Variants in ZBTB20 observed in about 807,000 individuals in gnomAD.
ZBTB20 encodes zinc finger and BTB domain-containing protein 20.
In ZBTB20, 9 loss-of-function variants were observed where a neutral mutation model predicts 56.9. The observed-to-expected ratio is 0.16, with a 90% CI of 0.10 to 0.28. The LOEUF is 0.28. Among genes scored for constraint, ZBTB20 ranks in the 10% least tolerant of loss-of-function variants. The probability of loss-of-function intolerance (pLI) is 1.00; values close to 1 mark genes in which losing one functional copy is unlikely to be tolerated. For synonymous variants in ZBTB20, 417 were observed against 420.7 expected, an observed-to-expected ratio of 0.99 and a Z score of 0.11; for missense variants, 655 against 1,003.0, an observed-to-expected ratio of 0.65 and a Z score of 4.69.
At chr3:115,142,453 G>T (rs1285921727) in intron 1 of ZBTB20, among the ~76,000 whole-genome samples, 1 of 152,088 alleles carries the variant, frequency 6.6e-6, no homozygotes, top group Non-Finnish European at 1.5e-5. Flanking sequence ...ACGAGGTCAG[G>T]AGATCAAGAC....
intron 5 of ZBTB20, among the ~76,000 whole-genome samples, chr3:114,708,735 T>C (rs1399842093): frequency 2.0e-5 from 3 of 152,146 alleles, no homozygotes; most frequent in Admixed American, 6.6e-5. Context: ...TTTAAGTAAA[T>C]ATTGCTAAGT....
At chr3:114,604,548 A>G (rs1214917312) in intron 6 of ZBTB20, among the ~76,000 whole-genome samples, 1 of 152,044 alleles carries the variant, frequency 6.6e-6, no homozygotes, top group Non-Finnish European at 1.5e-5. Context: ...TTTAAAAACT[A>G]AATGAAAGAT....
chr3:114,884,222 G>C (rs1426215713), intron 4 of ZBTB20, among the ~76,000 whole-genome samples: 8 of 152,092 alleles, frequency 5.3e-5, no homozygotes, highest in Admixed American at 4.6e-4. Flanking sequence ...ACCGCGCCCG[G>C]CCGGTGTGTT....
chr3:114,933,829 C>A (rs1398123709), intron 3 of ZBTB20, among the ~76,000 whole-genome samples: 1 of 152,150 alleles, frequency 6.6e-6, no homozygotes, highest in Non-Finnish European at 1.5e-5. Flanking sequence ...ACATCTATTT[C>A]AAAACTTCCC....
chr3:114,753,448 T>G (rs2067764449), intron 5 of ZBTB20, among the ~76,000 whole-genome samples: 1 of 148,462 alleles, frequency 6.7e-6, no homozygotes, highest in African/African-American at 2.5e-5. Flanking sequence ...CACACTTTTT[T>G]TTTTGAGACA....
chr3:114,388,105 T>C (rs2108606169), intron 8 of ZBTB20: 1 of 152,346 alleles, frequency 6.6e-6, no homozygotes, highest in East Asian at 1.9e-4. Flanking sequence ...GGTTTAGCGT[T>C]TTCCAGTAAC....
chr3:114,588,461 A>G (rs1015856285), intron 6 of ZBTB20, among the ~76,000 whole-genome samples: 10 of 152,186 alleles, frequency 6.6e-5, no homozygotes, highest in Admixed American at 1.3e-4. Flanking sequence ...ACTCAGTGAG[A>G]TCTGCATTAT....
intron 7 of ZBTB20, among the ~76,000 whole-genome samples, chr3:114,499,732 T>G (rs1027938301): frequency 2.0e-5 from 3 of 148,248 alleles, no homozygotes; most frequent in African/African-American, 5.0e-5. Flanking sequence ...TAAAATCGTG[T>G]TTTTTTTTCC....
chr3:114,624,494 CA>C (rs988720137), intron 6 of ZBTB20, among the ~76,000 whole-genome samples: 8 of 152,000 alleles, frequency 5.3e-5, no homozygotes, highest in African/African-American at 1.9e-4. Flanking sequence ...AAAAGAGAAT[CA>C]AAAAGGAAAG....
At chr3:114,345,281 CTG>C (rs200602150) in intron 11 of ZBTB20, among the ~76,000 whole-genome samples, 23 of 152,002 alleles carry the variant, frequency 1.5e-4, no homozygotes, top group Non-Finnish European at 2.8e-4. Context: ...ATGTATGTCT[CTG>C]TGTGTGTGTG....
At chr3:114,504,372 C>T (rs912566758) in intron 6 of ZBTB20, among the ~76,000 whole-genome samples, 2 of 151,974 alleles carry the variant, frequency 1.3e-5, no homozygotes, top group African/African-American at 2.4e-5. Flanking sequence ...TATGAGTATA[C>T]CCAGGAATGT....
At chr3:114,968,823 A>G (rs1438244241) in intron 3 of ZBTB20, among the ~76,000 whole-genome samples, 2 of 152,330 alleles carry the variant, frequency 1.3e-5, no homozygotes, top group Non-Finnish European at 2.9e-5. Context: ...CATATAAAGT[A>G]AGCCAGGTTT....
At chr3:114,876,936 T>C (rs1165122680) in intron 4 of ZBTB20, among the ~76,000 whole-genome samples, 1 of 152,194 alleles carries the variant, frequency 6.6e-6, no homozygotes, top group African/African-American at 2.4e-5. Context: ...TGTATATCTA[T>C]CTGATACCTT....
intron 6 of ZBTB20, among the ~76,000 whole-genome samples, chr3:114,508,968 T>C (rs890408031): frequency 1.3e-5 from 2 of 152,196 alleles, no homozygotes; most frequent in African/African-American, 4.8e-5. Flanking sequence ...TAAGCTAACT[T>C]TGACAACCTA....
Position 115,106,299 on chromosome 3 carries a change from T to C in ZBTB20, c.-702-34885A>G, listed in dbSNP as rs565177782. ...CCCAGGCTGTAGTGCAGTGGCCCGA[T>C]CTTAGCTCACTGCAAGCTCTGCCTC... On this transcript the variant is annotated intron_variant, in intron 1 of 11. Transcript: ENST00000675478. Among the ~76,000 whole-genome samples, 5 of 149,036 alleles carry C rather than the reference T, an allele frequency of 3.4e-5. No individual in the cohort carries two copies. The East Asian group carries it at 1.0e-3, about 30-fold the overall frequency.
At chr3:114,680,637 G>A (rs909753324) in intron 6 of ZBTB20, among the ~76,000 whole-genome samples, 2 of 152,128 alleles carry the variant, frequency 1.3e-5, no homozygotes, top group African/African-American at 2.4e-5. Context: ...AATCTTGTAC[G>A]CTCATTGAAT....
At chr3:114,354,518 C>T (rs1439488442) in intron 10 of ZBTB20, among the ~76,000 whole-genome samples, 2 of 150,042 alleles carry the variant, frequency 1.3e-5, no homozygotes, top group Admixed American at 6.6e-5. Flanking sequence ...TTACATGTAA[C>T]ATCTCATTTA....
intron 11 of ZBTB20, among the ~76,000 whole-genome samples, chr3:114,342,879 G>A (rs2079892936): frequency 2.0e-5 from 3 of 152,146 alleles, no homozygotes; most frequent in Non-Finnish European, 4.4e-5. Context: ...AATTACATAT[G>A]CGAATGGCAA....
chr3:114,588,454 C>T (rs889210339), intron 6 of ZBTB20, among the ~76,000 whole-genome samples: 1 of 152,174 alleles, frequency 6.6e-6, no homozygotes, highest in Non-Finnish European at 1.5e-5. Context: ...ATAATAAACT[C>T]AGTGAGATCT....
Sources: allele counts gnomAD v4.1 joint callset (sites outside exome capture counted in the v4.1 genomes callset), GRCh38; gene constraint gnomAD v4.1.1; transcripts MANE v1.5; gene names NCBI Gene and HGNC (gene_info 2026-07-23, HGNC 2026-07-21).